USP32: variants seen among roughly 807,000 people sequenced by gnomAD.
USP32 encodes ubiquitin specific peptidase 32, also known as ubiquitin carboxyl-terminal hydrolase 32.
USP32 carries 59 observed loss-of-function variants against 204.8 expected under a neutral mutation model. That is an observed-to-expected ratio of 0.29 (90% confidence interval 0.23 to 0.36). USP32 has a LOEUF of 0.36. Ranked by LOEUF, USP32 falls within the 10% of genes least tolerant of loss-of-function variation. The probability of loss-of-function intolerance (pLI) is 1.00; values close to 1 mark genes in which losing one functional copy is unlikely to be tolerated. For synonymous variants in USP32, 517 were observed against 678.4 expected, an observed-to-expected ratio of 0.76 and a Z score of 3.70; for missense variants, 1,160 against 1,946.4, an observed-to-expected ratio of 0.60 and a Z score of 7.60.
intron 11 of USP32, among the ~76,000 whole-genome samples, chr17:60,251,261 A>G (rs1275819787): frequency 6.6e-6 from 1 of 151,504 alleles, no homozygotes; most frequent in Non-Finnish European, 1.5e-5. Flanking sequence ...TTCTTAATAA[A>G]CTTGCCTTCA....
rs759185537 is a variant in USP32 at position 60,301,403 on chromosome 17, A to C, written c.292+196T>G. ...ACTTTTAGCCACTCTAGTAGGTGTG[A>C]AGTAGTATCTCACTGTAATTTTAAT... On this transcript the variant is annotated intron_variant, in intron 3 of 33. Coordinates refer to ENST00000300896, the MANE Select transcript of USP32 (RefSeq NM_032582.4). 4.2e-4 allele frequency: 180 copies of C among 423,604 alleles called. 2 individuals are homozygous for C. Among genetic ancestry groups the C allele is most frequent in the Non-Finnish European group, 6.7e-5 (16 of 240,464 alleles). The allele number at this position is 423,604 out of a possible 1,614,324, so 26.2% of individuals were successfully genotyped here. A position where few individuals can be genotyped will look rare whatever the true frequency, so the allele number is the denominator to read the frequency against.
In USP32 at chr17:60,360,883, C is replaced by G. The variant is rs369446285; in HGVS notation, c.59-15275G>C. On this transcript the variant is annotated intron_variant, in intron 1 of 33. Coordinates refer to ENST00000300896, the MANE Select transcript of USP32 (RefSeq NM_032582.4). ...GTGGCTCACACCTATAATCCCAGCA[C>G]TTTGGGAGGCCAAGGCAGGCAGATC... is the stretch of plus-strand genomic sequence containing the variant. Among the ~76,000 whole-genome samples the G allele has an allele frequency of 1.3e-3, 200 of 152,136 alleles. 1 individual carries two copies. Among genetic ancestry groups the G allele is most frequent in the African/African-American group, 4.5e-3 (187 of 41,502 alleles).
chr17:60,332,793 CA>C (rs2145971149), intron 2 of USP32, among the ~76,000 whole-genome samples: 1 of 152,328 alleles, frequency 6.6e-6, no homozygotes, highest in Non-Finnish European at 1.5e-5. Context: ...TAATCTTAAA[CA>C]TGCATGCTAT....
intron 27 of USP32, among the ~76,000 whole-genome samples, chr17:60,194,144 G>C (rs2084454825): frequency 6.6e-6 from 1 of 151,882 alleles, no homozygotes; most frequent in Non-Finnish European, 1.5e-5. Flanking sequence ...TCTGGGCTCA[G>C]GTGATCCTCC....
chr17:60,308,590 T>C (rs1277523197), intron 2 of USP32, among the ~76,000 whole-genome samples: 1 of 152,200 alleles, frequency 6.6e-6, no homozygotes, highest in Non-Finnish European at 1.5e-5. Flanking sequence ...AAGAACAGTC[T>C]TTTCAATAAA....
At chr17:60,394,057 C>T (rs1297418025), upstream of USP32, among the ~76,000 whole-genome samples, 1 of 152,204 alleles carries the variant, frequency 6.6e-6, no homozygotes, top group East Asian at 1.9e-4. Context: ...CAGCGCTGCC[C>T]TTTCCAGTTC....
chr17:60,300,176 G>GT (rs1457471577), intron 3 of USP32, among the ~76,000 whole-genome samples: 6 of 152,154 alleles, frequency 3.9e-5, no homozygotes, highest in Non-Finnish European at 1.5e-5. Context: ...GGTACAAAAT[G>GT]TTACATTCTG....
Position 60,179,192 on chromosome 17 carries a change from A to C in USP32, c.*63T>G. 1.3e-6 allele frequency: 2 copies of C among 1,540,360 alleles called. No individual in the cohort carries two copies. The highest frequency in any genetic ancestry group is 1.8e-6 in the Non-Finnish European group (2 of 1,138,006). On this transcript the variant is annotated 3_prime_UTR_variant, in exon 34 of 34. Coordinates refer to ENST00000300896, the MANE Select transcript of USP32 (RefSeq NM_032582.4). ...TTGCCTTTCAGTGACGCTTTTGCCA[A>C]ATGTCAGCTACAAGGAGTCATCTCC...
chr17:60,188,290 C>T (rs952397909), intron 29 of USP32, among the ~76,000 whole-genome samples: 1 of 152,058 alleles, frequency 6.6e-6, no homozygotes, highest in African/African-American at 2.4e-5. Flanking sequence ...TTTCTGATTA[C>T]TAGGTATAAT....
intron 1 of USP32, among the ~76,000 whole-genome samples, chr17:60,349,614 TATATATATATTATA>T (rs1212349644): frequency 1.4e-5 from 1 of 69,910 alleles, no homozygotes; most frequent in African/African-American, 1.2e-4. Flanking sequence ...TATATATATA[TATATATATATTATA>T]TATATATATA....
chr17:60,421,904 C>A (rs1273259615), intron 1 of USP32: 1 of 985,398 alleles, frequency 1.0e-6, no homozygotes. Flanking sequence ...CTGTGTGAAG[C>A]GGGACCGCTG....
At chr17:60,396,606 A>T (rs1292772907), upstream of USP32, among the ~76,000 whole-genome samples, 1 of 152,178 alleles carries the variant, frequency 6.6e-6, no homozygotes, top group Non-Finnish European at 1.5e-5. Flanking sequence ...TCAAGACAAG[A>T]GTATTGTTGA....
chr17:60,317,235 C>T (rs909584891), intron 2 of USP32, among the ~76,000 whole-genome samples: 4 of 151,998 alleles, frequency 2.6e-5, no homozygotes, highest in Admixed American at 2.6e-4. Flanking sequence ...TAAAATGGGC[C>T]AGGCACAGTG....
chr17:60,189,565 T>C (rs1350987960), intron 29 of USP32, among the ~76,000 whole-genome samples: 1 of 152,256 alleles, frequency 6.6e-6, no homozygotes, highest in Non-Finnish European at 1.5e-5. Context: ...ATTTGGTTGA[T>C]TAAAAACTGC....
Position 60,214,638 on chromosome 17 carries a change from C to T in USP32, c.2004G>A (p.Leu668=), listed in dbSNP as rs762853655. Residue 668 remains leucine (L), a synonymous_variant, in exon 17 of 34, where the codon CTG becomes CTA. Coordinates refer to ENST00000300896, the MANE Select transcript of USP32 (RefSeq NM_032582.4). ...CTCTTACCTCACTGTTGTATAGCCA[C>T]AGGCGCATATCTTCCTCTTTAATGC... The part of the protein sequence containing the change: ...RLRIKEEDMR[L]WLYNSENYLT... 1.2e-6 allele frequency: 2 copies of T among 1,613,416 alleles called. No individual in the cohort carries two copies. The highest frequency in any genetic ancestry group is 2.2e-5 in the East Asian group (1 of 44,874).
At chr17:60,213,274 G>A (rs1359857905) in intron 18 of USP32, among the ~76,000 whole-genome samples, 1 of 152,104 alleles carries the variant, frequency 6.6e-6, no homozygotes, top group East Asian at 1.9e-4. Context: ...GCAGCAACTT[G>A]AAAATTTTAA....
intron 1 of USP32, among the ~76,000 whole-genome samples, chr17:60,364,692 T>C (rs1192676698): frequency 6.6e-6 from 1 of 152,256 alleles, no homozygotes; most frequent in Non-Finnish European, 1.5e-5. Flanking sequence ...GCCAATCATA[T>C]TTAACATTCA....
intron 2 of USP32, among the ~76,000 whole-genome samples, chr17:60,311,205 A>G (rs890993487): frequency 6.6e-6 from 1 of 152,246 alleles, no homozygotes; most frequent in Non-Finnish European, 1.5e-5. Flanking sequence ...CTGAGATTTT[A>G]TATTTCCAAA....
At chr17:60,382,115 A>C (rs371930184) in intron 1 of USP32, among the ~76,000 whole-genome samples, 17 of 152,364 alleles carry the variant, frequency 1.1e-4, no homozygotes, top group African/African-American at 3.8e-4. Flanking sequence ...AGGCTGGCAT[A>C]GTGAGATAAG....
Sources: gnomAD v4.1 joint callset for allele counts (sites outside exome capture counted in the v4.1 genomes callset) on GRCh38, gnomAD v4.1.1 for gene constraint, MANE v1.5 for transcripts, NCBI Gene and HGNC (gene_info 2026-07-23, HGNC 2026-07-21) for gene names.